Variants in FGGY observed in about 807,000 individuals in gnomAD.
FGGY encodes FGGY carbohydrate kinase domain-containing protein.
In FGGY, 72 loss-of-function variants were observed where a neutral mutation model predicts 71.3. That is an observed-to-expected ratio of 1.01 (90% CI 0.84 to 1.23). The LOEUF (loss-of-function observed/expected upper bound fraction) is 1.23, where lower values mean the gene tolerates loss of function less well. FGGY is among the 50% of genes most tolerant of loss of function. FGGY has a pLI of 0.00. For missense variants in FGGY, 668 were observed against 682.3 expected (o/e 0.98, Z 0.23); for synonymous variants, 251 against 250.3 (o/e 1.00, Z -0.02).
At chr1:59,301,878 T>A (rs930021869) in intron 1 of FGGY, among the ~76,000 whole-genome samples, 1 of 150,034 alleles carries the variant, frequency 6.7e-6, no homozygotes, top group East Asian at 2.0e-4. Flanking sequence ...CACACCCAGC[T>A]GATTTTGTAT....
chr1:59,513,513 G>A (rs2094566151), intron 7 of FGGY, among the ~76,000 whole-genome samples: 1 of 151,996 alleles, frequency 6.6e-6, no homozygotes. Context: ...GATGCTTTCT[G>A]CTCTGCATAG....
At chr1:59,430,062 T>A (rs1235117782) in intron 5 of FGGY, among the ~76,000 whole-genome samples, 1 of 152,160 alleles carries the variant, frequency 6.6e-6, no homozygotes, top group East Asian at 1.9e-4. Context: ...TAAGAAGTAA[T>A]AAGGAATAAA....
intron 8 of FGGY, among the ~76,000 whole-genome samples, chr1:59,604,891 C>A (rs1237407891): frequency 2.6e-5 from 4 of 152,190 alleles, no homozygotes; most frequent in African/African-American, 4.8e-5. Flanking sequence ...CTGCCTCATT[C>A]ATCTCAAAGA....
intron 5 of FGGY, among the ~76,000 whole-genome samples, chr1:59,456,530 G>C (rs6668427): frequency 0.42 from 63,466 of 149,642 alleles, 13,533 homozygotes; most frequent in Middle Eastern, 0.52. Context: ...CTCACTGCAA[G>C]CTCTGCCTCC....
intron 13 of FGGY, among the ~76,000 whole-genome samples, chr1:59,669,690 C>T (rs562133062): frequency 2.6e-5 from 4 of 152,084 alleles, no homozygotes; most frequent in Admixed American, 6.5e-5. Flanking sequence ...CCACCGCACC[C>T]GGCCCCAATT....
intron 6 of FGGY, among the ~76,000 whole-genome samples, chr1:59,491,479 G>A (rs939108816): frequency 1.3e-5 from 2 of 151,696 alleles, no homozygotes; most frequent in African/African-American, 4.8e-5. Flanking sequence ...ATTGTAAATG[G>A]GATTGCCTTC....
chr1:59,367,058 A>G (rs548801445), intron 4 of FGGY, among the ~76,000 whole-genome samples: 16 of 152,308 alleles, frequency 1.1e-4, no homozygotes, highest in Non-Finnish European at 1.8e-4. Flanking sequence ...CAGACTACAG[A>G]GTTAAAATGG....
At chr1:59,730,308 T>C (rs773291041) in intron 14 of FGGY, among the ~76,000 whole-genome samples, 45 of 30,848 alleles carry the variant, frequency 1.5e-3, no homozygotes, top group Non-Finnish European at 2.2e-3. Flanking sequence ...GTTTCTTAGC[T>C]TTTTTTTTTT....
chr1:59,609,712 AT>A (rs1446825167), intron 9 of FGGY, among the ~76,000 whole-genome samples: 1 of 152,234 alleles, frequency 6.6e-6, no homozygotes, highest in Non-Finnish European at 1.5e-5. Flanking sequence ...GTATATGCAA[AT>A]ATCTGTGAGT....
chr1:59,625,025 A>C (rs1419885955), intron 9 of FGGY, among the ~76,000 whole-genome samples: 1 of 152,152 alleles, frequency 6.6e-6, no homozygotes, highest in East Asian at 1.9e-4. Flanking sequence ...TGAACAAATT[A>C]TCTTCTTTAC....
intron 1 of FGGY, chr1:59,315,700 G>A (rs2045318889): frequency 6.6e-6 from 1 of 152,134 alleles, no homozygotes; most frequent in Admixed American, 6.5e-5. Flanking sequence ...CTGAAAATAT[G>A]CTTATACGCG....
chr1:59,525,000 C>T lies in FGGY; in HGVS notation c.799+12561C>T, dbSNP rs114162276. Among the ~76,000 whole-genome samples, 1,252 of 152,316 alleles carry T rather than the reference C, an allele frequency of 8.2e-3. 14 individuals are homozygous for T. Among genetic ancestry groups the T allele is most frequent in the Non-Finnish European group, 0.014 (928 of 68,010 alleles). ...AGCCCAGACCTAGGGGCTCCCCAAG[C>T]CAGGGGTGTGACACTGTCTTTAAGG... On this transcript the variant is annotated intron_variant, in intron 7 of 15. Coordinates refer to ENST00000303721, the MANE Select transcript of FGGY (RefSeq NM_018291.5).
intron 5 of FGGY, among the ~76,000 whole-genome samples, chr1:59,396,114 G>A (rs2061292776): frequency 6.6e-6 from 1 of 152,062 alleles, no homozygotes; most frequent in South Asian, 2.1e-4. Context: ...TTGGGAGTGG[G>A]ACCAAATAAT....
intron 6 of FGGY, among the ~76,000 whole-genome samples, chr1:59,503,594 C>CATATATATATATATATATATATAT (rs71046332): frequency 3.1e-4 from 40 of 127,678 alleles, no homozygotes; most frequent in African/African-American, 1.2e-3. Context: ...GTGGTGTCGC[C>CATATATATATATATATATATATAT]ATATATATAT....
chr1:59,550,905 C>T (rs1266543736), intron 7 of FGGY, among the ~76,000 whole-genome samples: 1 of 152,226 alleles, frequency 6.6e-6, no homozygotes, highest in Admixed American at 6.5e-5. Context: ...CCTGAACACT[C>T]TGCTCTGTTC....
At chr1:59,549,666 G>A (rs558630389) in intron 7 of FGGY, among the ~76,000 whole-genome samples, 3 of 152,272 alleles carry the variant, frequency 2.0e-5, no homozygotes, top group East Asian at 1.9e-4. Flanking sequence ...ACACAAATGC[G>A]AGAACTCAGG....
intron 11 of FGGY, among the ~76,000 whole-genome samples, chr1:59,641,823 T>C (rs2097031454): frequency 6.6e-6 from 1 of 152,226 alleles, no homozygotes; most frequent in Admixed American, 6.5e-5. Context: ...AAGTCATGTG[T>C]GATCCACTGT....
intron 9 of FGGY, among the ~76,000 whole-genome samples, chr1:59,617,464 G>C (rs2096767600): frequency 6.6e-6 from 1 of 152,040 alleles, no homozygotes; most frequent in African/African-American, 2.4e-5. Context: ...AAACAGGACA[G>C]GATCTTTTGA....
intron 1 of FGGY, among the ~76,000 whole-genome samples, chr1:59,301,896 TC>T (rs1213895622): frequency 1.4e-5 from 2 of 142,908 alleles, no homozygotes; most frequent in African/African-American, 5.0e-5. Context: ...TATTTTTCTT[TC>T]TTTCTTTTTT....
Sources: gnomAD v4.1 joint callset for allele counts (sites outside exome capture counted in the v4.1 genomes callset) on GRCh38, gnomAD v4.1.1 for gene constraint, MANE v1.5 for transcripts, NCBI Gene and HGNC (gene_info 2026-07-23, HGNC 2026-07-21) for gene names.